Variants in SLC24A2 observed in about 807,000 individuals in gnomAD.
The protein encoded by SLC24A2 is sodium/potassium/calcium exchanger 2.
SLC24A2 carries 36 observed loss-of-function variants against 62.0 expected under a neutral mutation model. That is an observed-to-expected ratio of 0.58 (90% CI 0.44 to 0.77). SLC24A2 has a LOEUF of 0.77. Ranked by LOEUF, SLC24A2 falls within the 30% of genes least tolerant of loss-of-function variation. The pLI, the probability that SLC24A2 is intolerant of heterozygous loss-of-function variation, is 0.00. For missense variants in SLC24A2, 846 were observed against 817.9 expected (o/e 1.03, Z -0.42); for synonymous variants, 358 against 294.0 (o/e 1.22, Z -2.23).
the SLC24A2 span, among the ~76,000 whole-genome samples, chr9:20,280,414 C>T: frequency 3.3e-5 from 5 of 152,072 alleles, no homozygotes; most frequent in Admixed American, 1.3e-4. Context: ...CAGAAGAGGG[C>T]GCCATGAGCT....
At chr9:19,636,329 T>C (rs1818337576) in intron 2 of SLC24A2, among the ~76,000 whole-genome samples, 1 of 24,464 alleles carries the variant, frequency 4.1e-5, no homozygotes, top group South Asian at 1.6e-3. Flanking sequence ...CTTTCTTTCT[T>C]TCTTTCTTTC....
intron 9 of SLC24A2, among the ~76,000 whole-genome samples, chr9:19,525,618 G>A (rs1833411532): frequency 6.6e-6 from 1 of 151,332 alleles, no homozygotes; most frequent in Admixed American, 6.6e-5. Context: ...TGCCCAGGCT[G>A]ATCTCGAACT....
At chr9:19,667,377 C>T (rs76739769) in intron 2 of SLC24A2, among the ~76,000 whole-genome samples, 313 of 152,284 alleles carry the variant, frequency 2.1e-3, no homozygotes, top group African/African-American at 6.9e-3. Flanking sequence ...ATTCCATTGC[C>T]CAACCAGAGG....
At chr9:19,835,532 T>C in the SLC24A2 span, among the ~76,000 whole-genome samples, 5 of 152,332 alleles carry the variant, frequency 3.3e-5, no homozygotes, top group African/African-American at 1.2e-4. Context: ...CTAACTATCC[T>C]AAATATATAT....
chr9:20,161,926 A>G, the SLC24A2 span, among the ~76,000 whole-genome samples: 1 of 151,726 alleles, frequency 6.6e-6, no homozygotes, highest in Non-Finnish European at 1.5e-5. Flanking sequence ...TGGAAATACT[A>G]GCTAATGCGA....
intron 2 of SLC24A2, among the ~76,000 whole-genome samples, chr9:19,679,679 G>T (rs1819658391): frequency 6.6e-6 from 1 of 152,164 alleles, no homozygotes; most frequent in African/African-American, 2.4e-5. Flanking sequence ...GTCTTCTCCT[G>T]CCATTGGTCA....
the SLC24A2 span, among the ~76,000 whole-genome samples, chr9:19,880,961 A>G: frequency 6.6e-6 from 1 of 152,066 alleles, no homozygotes; most frequent in Non-Finnish European, 1.5e-5. Context: ...TCTTTTCTCT[A>G]CTAGCTGTGG....
chr9:20,118,728 A>T, the SLC24A2 span, among the ~76,000 whole-genome samples: 28 of 152,130 alleles, frequency 1.8e-4, no homozygotes, highest in African/African-American at 6.5e-4. Flanking sequence ...ACAACCTGAT[A>T]AAGACATTAG....
chr9:20,044,033 T>C, the SLC24A2 span, among the ~76,000 whole-genome samples: 1 of 152,136 alleles, frequency 6.6e-6, no homozygotes, highest in Non-Finnish European at 1.5e-5. Flanking sequence ...ACCACTACCC[T>C]GGTCAGCAGC....
the SLC24A2 span, among the ~76,000 whole-genome samples, chr9:19,975,305 T>C: frequency 1.3e-5 from 2 of 152,156 alleles, no homozygotes; most frequent in African/African-American, 4.8e-5. Context: ...CCCTCTTAAA[T>C]ATAATTATTT....
chr9:20,196,765 C>T, the SLC24A2 span, among the ~76,000 whole-genome samples: 1 of 152,142 alleles, frequency 6.6e-6, no homozygotes, highest in African/African-American at 2.4e-5. Flanking sequence ...AAAAGTAAAG[C>T]AAGCTCACTG....
At chr9:19,795,687 A>G in the SLC24A2 span, among the ~76,000 whole-genome samples, 1 of 151,754 alleles carries the variant, frequency 6.6e-6, no homozygotes, top group Non-Finnish European at 1.5e-5. Flanking sequence ...GAAGAGGTGG[A>G]TTTCTTCCTC....
chr9:20,096,731 G>C, the SLC24A2 span, among the ~76,000 whole-genome samples: 2 of 144,588 alleles, frequency 1.4e-5, no homozygotes, highest in Non-Finnish European at 3.0e-5. Flanking sequence ...TTATTTCTTT[G>C]GCTTGGATTG....
At chr9:19,983,234 T>C in the SLC24A2 span, among the ~76,000 whole-genome samples, 5 of 152,172 alleles carry the variant, frequency 3.3e-5, no homozygotes, top group Non-Finnish European at 7.4e-5. Context: ...TATTCACAGA[T>C]GACATGTTCC....
At chr9:19,977,530 A>G in the SLC24A2 span, among the ~76,000 whole-genome samples, 3 of 152,284 alleles carry the variant, frequency 2.0e-5, no homozygotes, top group Admixed American at 1.3e-4. Flanking sequence ...AGAGATAGGT[A>G]CAAGTTCCTT....
At chr9:19,612,366 A>G (rs1282664871) in intron 4 of SLC24A2, among the ~76,000 whole-genome samples, 4 of 152,078 alleles carry the variant, frequency 2.6e-5, no homozygotes, top group Non-Finnish European at 5.9e-5. Context: ...TAATTTAGAG[A>G]CAGAGGTCTT....
the SLC24A2 span, among the ~76,000 whole-genome samples, chr9:19,804,551 T>A: frequency 6.6e-6 from 1 of 152,000 alleles, no homozygotes; most frequent in Non-Finnish European, 1.5e-5. Context: ...TTTGGGGGAG[T>A]CCTTAGGATT....
At chr9:19,975,245 T>A in the SLC24A2 span, among the ~76,000 whole-genome samples, 3 of 152,208 alleles carry the variant, frequency 2.0e-5, no homozygotes, top group African/African-American at 7.2e-5. Context: ...TCCATATAAA[T>A]AATTTCATTT....
the SLC24A2 span, among the ~76,000 whole-genome samples, chr9:19,807,126 G>A: frequency 9.9e-5 from 15 of 152,166 alleles, no homozygotes; most frequent in African/African-American, 3.6e-4. Flanking sequence ...ATGAAAAGTG[G>A]ACTTCATTTG....
Sources: gnomAD v4.1 joint callset for allele counts (sites outside exome capture counted in the v4.1 genomes callset) on GRCh38, gnomAD v4.1.1 for gene constraint, MANE v1.5 for transcripts, NCBI Gene and HGNC (gene_info 2026-07-23, HGNC 2026-07-21) for gene names.